KCNH7: variants seen among roughly 807,000 people sequenced by gnomAD.
The protein encoded by KCNH7 is voltage-gated inwardly rectifying potassium channel KCNH7.
A neutral mutation model predicts 120.8 loss-of-function variants in KCNH7; 49 were observed. The ratio of observed to expected loss-of-function variants is 0.41; its 90% CI spans 0.32 to 0.51. The LOEUF is 0.51. Ranked by LOEUF, KCNH7 falls within the 20% of genes least tolerant of loss-of-function variation. KCNH7 has a pLI of 0.38. For missense variants in KCNH7, 1,097 were observed against 1,446.6 expected (o/e 0.76, Z 3.92); for synonymous variants, 547 against 516.1 (o/e 1.06, Z -0.81).
chr2:162,690,638 C>G (rs1299508492), intron 2 of KCNH7, among the ~76,000 whole-genome samples: 1 of 152,094 alleles, frequency 6.6e-6, no homozygotes, highest in Non-Finnish European at 1.5e-5. Flanking sequence ...TATTTACAAG[C>G]AATGGCTCTC....
chr2:162,781,959 G>A (rs1349548509), intron 2 of KCNH7, among the ~76,000 whole-genome samples: 3 of 152,100 alleles, frequency 2.0e-5, no homozygotes, highest in Non-Finnish European at 2.9e-5. Flanking sequence ...TGAAAATCAC[G>A]ATGAAAAACT....
At chr2:162,572,337 C>T (rs1186676609) in intron 2 of KCNH7, among the ~76,000 whole-genome samples, 7 of 140,338 alleles carry the variant, frequency 5.0e-5, no homozygotes, top group African/African-American at 1.9e-4. Flanking sequence ...CAAATCAAAA[C>T]CACAATGAGA....
intron 2 of KCNH7, among the ~76,000 whole-genome samples, chr2:162,539,956 G>C (rs1022023787): frequency 9.2e-5 from 14 of 152,052 alleles, no homozygotes; most frequent in African/African-American, 3.4e-4. Context: ...ACTAAGTTCT[G>C]TCAAGATACT....
chr2:162,570,320 A>G (rs1239562629), intron 2 of KCNH7, among the ~76,000 whole-genome samples: 1 of 151,662 alleles, frequency 6.6e-6, no homozygotes, highest in Non-Finnish European at 1.5e-5. Context: ...TTGTTGGTTT[A>G]AAGTCTGTTT....
At chr2:162,398,633 G>C (rs1473184324) in intron 10 of KCNH7, among the ~76,000 whole-genome samples, 1 of 151,826 alleles carries the variant, frequency 6.6e-6, no homozygotes, top group Non-Finnish European at 1.5e-5. Context: ...CTGTAAATGA[G>C]CCAGGAGCAA....
At chr2:162,744,991 AAC>A (rs1688267659) in intron 2 of KCNH7, among the ~76,000 whole-genome samples, 1 of 152,192 alleles carries the variant, frequency 6.6e-6, no homozygotes, top group Admixed American at 6.5e-5. Flanking sequence ...CAAGTAAACA[AAC>A]ACTTTGCAAG....
At chr2:162,424,347 A>G (rs1317251921) in intron 8 of KCNH7, among the ~76,000 whole-genome samples, 1 of 152,196 alleles carries the variant, frequency 6.6e-6, no homozygotes, top group Admixed American at 6.5e-5. Flanking sequence ...ATTTAAAATA[A>G]GCTCTTTAAG....
chr2:162,388,836 C>G (rs1031179276), intron 12 of KCNH7, among the ~76,000 whole-genome samples: 3 of 151,928 alleles, frequency 2.0e-5, no homozygotes, highest in Admixed American at 1.3e-4. Flanking sequence ...TATTGCTATC[C>G]TTTGAAATGC....
chr2:162,707,624 T>C (rs1396778482), intron 2 of KCNH7, among the ~76,000 whole-genome samples: 1 of 152,074 alleles, frequency 6.6e-6, no homozygotes, highest in African/African-American at 2.4e-5. Context: ...TTAATACTAC[T>C]GTAAGGAAGA....
chr2:162,823,995 C>A (rs1010827072), intron 2 of KCNH7, among the ~76,000 whole-genome samples: 1 of 151,880 alleles, frequency 6.6e-6, no homozygotes, highest in Non-Finnish European at 1.5e-5. Flanking sequence ...TTAGCTCTGC[C>A]AACATTTAGT....
chr2:162,590,041 T>G (rs1694157180), intron 2 of KCNH7, among the ~76,000 whole-genome samples: 1 of 152,136 alleles, frequency 6.6e-6, no homozygotes, highest in South Asian at 2.1e-4. Flanking sequence ...ATTCAGAAAG[T>G]GTTTGTTAAG....
At chr2:162,768,433 A>G (rs1008075108) in intron 2 of KCNH7, among the ~76,000 whole-genome samples, 3 of 152,150 alleles carry the variant, frequency 2.0e-5, no homozygotes, top group African/African-American at 7.2e-5. Flanking sequence ...CTCTGAAGTC[A>G]AAAGTGCCCT....
intron 2 of KCNH7, among the ~76,000 whole-genome samples, chr2:162,619,421 C>A (rs1195909624): frequency 1.3e-5 from 2 of 150,070 alleles, no homozygotes; most frequent in African/African-American, 4.9e-5. Context: ...AAGTATGGAA[C>A]AATAAGAATT....
intron 11 of KCNH7, 62 bp downstream of exon 11, chr2:162,396,678 T>A: frequency 8.2e-7 from 1 of 1,216,256 alleles, no homozygotes; most frequent in Non-Finnish European, 1.2e-6. Context: ...GAAGTATTTG[T>A]GCAATTCAAG....
chr2:162,622,385 G>T (rs1356019592), intron 2 of KCNH7, among the ~76,000 whole-genome samples: 1 of 152,198 alleles, frequency 6.6e-6, no homozygotes, highest in African/African-American at 2.4e-5. Context: ...GTTTCTTTGG[G>T]TCTAACATAA....
intron 3 of KCNH7, among the ~76,000 whole-genome samples, chr2:162,519,997 C>T (rs1408255315): frequency 6.6e-6 from 1 of 151,648 alleles, no homozygotes; most frequent in Non-Finnish European, 1.5e-5. Flanking sequence ...TCTGTCTTCA[C>T]TCCAATGACT....
chr2:162,656,300 T>G (rs1403148902), intron 2 of KCNH7, among the ~76,000 whole-genome samples: 1 of 152,194 alleles, frequency 6.6e-6, no homozygotes, highest in Non-Finnish European at 1.5e-5. Flanking sequence ...ATAAAAAGAC[T>G]ATATAGATCA....
Position 162,446,443 on chromosome 2 carries a change from C to G in KCNH7, c.1129G>C (p.Val377Leu). The G allele has an allele frequency of 6.3e-7, 1 of 1,595,288 alleles. No homozygotes were observed. The highest frequency in any genetic ancestry group is 8.5e-7 in the Non-Finnish European group (1 of 1,170,192). The change falls in exon 7 of 16, where the codon GTT becomes CTT. Residue 377 changes from valine (V) to leucine (L), a missense_variant and splice_region_variant. Around this residue, in one of 8 missense-constraint regions of KCNH7, gnomAD observed 362 missense variants for 372.2 expected, o/e 0.97. Coordinates refer to ENST00000332142, the MANE Select transcript of KCNH7 (RefSeq NM_033272.4). ...AGGACATCTGCTCCTAAAGAGAGAA[C>G]CTGAATGTGCAAAAGAAAATCATAC... ...THNVTEKVTQVLSLGADVLPE... is the reference protein window; with the variant it reads ...THNVTEKVTQLLSLGADVLPE...
At chr2:162,717,611 T>C (rs568504147) in intron 2 of KCNH7, among the ~76,000 whole-genome samples, 1 of 152,248 alleles carries the variant, frequency 6.6e-6, no homozygotes, top group South Asian at 2.1e-4. Flanking sequence ...AAAGAGGACT[T>C]TCTTGATTAA....
Sources: allele counts gnomAD v4.1 joint callset (sites outside exome capture counted in the v4.1 genomes callset), GRCh38; gene constraint gnomAD v4.1.1; regional missense constraint gnomAD v4.1.1; transcripts MANE v1.5; gene names NCBI Gene and HGNC (gene_info 2026-07-23, HGNC 2026-07-21).